NR3C2: variants seen among roughly 807,000 people sequenced by gnomAD.
NR3C2 encodes the protein mineralocorticoid receptor.
A neutral mutation model predicts 86.4 loss-of-function variants in NR3C2; 15 were observed. The ratio of observed to expected loss-of-function variants is 0.17; its 90% CI spans 0.12 to 0.27. The LOEUF (loss-of-function observed/expected upper bound fraction) is 0.27. Among genes scored for constraint, NR3C2 ranks in the 10% least tolerant of loss-of-function variants. The pLI is 1.00. For missense variants in NR3C2, 960 were observed against 1,195.6 expected (o/e 0.80, Z 2.91); for synonymous variants, 458 against 450.5 (o/e 1.02, Z -0.21).
intron 2 of NR3C2, among the ~76,000 whole-genome samples, chr4:148,262,608 C>T (rs1333001180): frequency 6.6e-6 from 1 of 151,996 alleles, no homozygotes; most frequent in Non-Finnish European, 1.5e-5. Flanking sequence ...GAAGTCCTAG[C>T]CCTTAGTACC....
At chr4:148,301,997 T>C (rs1015608974) in intron 2 of NR3C2, among the ~76,000 whole-genome samples, 6 of 152,254 alleles carry the variant, frequency 3.9e-5, no homozygotes, top group Non-Finnish European at 7.3e-5. Context: ...ACAATTAAGA[T>C]TGTTATGTTA....
intron 2 of NR3C2, among the ~76,000 whole-genome samples, chr4:148,260,417 C>A (rs772749197): frequency 2.6e-5 from 4 of 152,134 alleles, no homozygotes; most frequent in South Asian, 2.1e-4. Context: ...ACACTATTTG[C>A]ACTTTAAGTG....
At chr4:148,165,891 A>C (rs1734856308) in intron 4 of NR3C2, among the ~76,000 whole-genome samples, 1 of 152,262 alleles carries the variant, frequency 6.6e-6, no homozygotes, top group Non-Finnish European at 1.5e-5. Context: ...GTCAGAAGCT[A>C]GTACTAACAT....
chr4:148,437,863 T>C (rs1480825329), intron 1 of NR3C2, among the ~76,000 whole-genome samples: 1 of 152,176 alleles, frequency 6.6e-6, no homozygotes, highest in Non-Finnish European at 1.5e-5. Flanking sequence ...ACCCACCAGG[T>C]TGTTTCAGAT....
At chr4:148,404,296 C>T (rs1475331128) in intron 2 of NR3C2, among the ~76,000 whole-genome samples, 1 of 152,044 alleles carries the variant, frequency 6.6e-6, no homozygotes, top group African/African-American at 2.4e-5. Flanking sequence ...TTTGTTAGAA[C>T]AGGATTCACT....
At position 148,424,869 on chromosome 4, in the gene NR3C2, G is replaced by A. The variant is rs138698572; in HGVS notation, c.1757+10235C>T. Among the ~76,000 whole-genome samples the A allele has an allele frequency of 3.3e-4, 51 of 152,270 alleles. 1 individual carries two copies. The East Asian group carries it at 9.4e-3, about 28-fold the overall frequency. ...CAAGACTACACATTTCACAAAACATGTAGAACTGAACACCAAAAAGAGTGA... is the reference window on the plus strand; with the variant it reads ...CAAGACTACACATTTCACAAAACATATAGAACTGAACACCAAAAAGAGTGA... On this transcript the variant is annotated intron_variant, in intron 2 of 8. Coordinates refer to ENST00000358102, the MANE Select transcript of NR3C2 (RefSeq NM_000901.5).
intron 8 of NR3C2, among the ~76,000 whole-genome samples, chr4:148,107,122 T>A (rs1228337585): frequency 6.6e-6 from 1 of 151,698 alleles, no homozygotes; most frequent in East Asian, 1.9e-4. Context: ...CTGACAAAGG[T>A]CTAATATCCA....
At chr4:148,314,291 A>G (rs1341534988) in intron 2 of NR3C2, among the ~76,000 whole-genome samples, 1 of 152,186 alleles carries the variant, frequency 6.6e-6, no homozygotes, top group East Asian at 1.9e-4. Context: ...TGCTATTTTT[A>G]GTACAGTATT....
At chr4:148,365,528 T>C (rs1197901692) in intron 2 of NR3C2, among the ~76,000 whole-genome samples, 1 of 152,188 alleles carries the variant, frequency 6.6e-6, no homozygotes, top group African/African-American at 2.4e-5. Flanking sequence ...GTTTCTTAAG[T>C]ATCATAACTA....
chr4:148,416,701 C>T (rs1453879287), intron 2 of NR3C2, among the ~76,000 whole-genome samples: 1 of 152,206 alleles, frequency 6.6e-6, no homozygotes, highest in Non-Finnish European at 1.5e-5. Flanking sequence ...CAAATTGTTG[C>T]TTTCACTTCT....
intron 2 of NR3C2, among the ~76,000 whole-genome samples, chr4:148,405,808 TGGCCTTGCC>T (rs1748393480): frequency 6.6e-6 from 1 of 152,226 alleles, no homozygotes; most frequent in Non-Finnish European, 1.5e-5. Context: ...CTGGCCTTGC[TGGCCTTGCC>T]ACTATTCTCC....
chr4:148,170,159 T>A (rs946785720), intron 4 of NR3C2, among the ~76,000 whole-genome samples: 1 of 152,168 alleles, frequency 6.6e-6, no homozygotes, highest in Admixed American at 6.5e-5. Context: ...AAGATGCCAG[T>A]AGCAATCCCC....
At chr4:148,434,971 A>G (rs1749965290) in intron 2 of NR3C2, 133 bp downstream of exon 2, 1 of 833,590 alleles carries the variant, frequency 1.2e-6, no homozygotes, top group Admixed American at 2.3e-5. Flanking sequence ...TCAACATGCA[A>G]AGTGGAGCAA....
At chr4:148,350,872 T>C (rs895980721) in intron 2 of NR3C2, among the ~76,000 whole-genome samples, 2 of 152,168 alleles carry the variant, frequency 1.3e-5, no homozygotes, top group African/African-American at 2.4e-5. Context: ...TATCCTTCTA[T>C]TATTCTTTTT....
chr4:148,259,399 A>T (rs1436283153), intron 3 of NR3C2, among the ~76,000 whole-genome samples: 1 of 152,196 alleles, frequency 6.6e-6, no homozygotes, highest in Admixed American at 6.6e-5. Context: ...CAGAAGCAAA[A>T]GCTAGCCTAA....
intron 2 of NR3C2, among the ~76,000 whole-genome samples, chr4:148,333,407 G>C (rs1282934109): frequency 6.6e-6 from 1 of 152,058 alleles, no homozygotes; most frequent in African/African-American, 2.4e-5. Context: ...TTTTAAGCTG[G>C]GCACATTGCT....
At chr4:148,263,807 TC>T (rs1740246633) in intron 2 of NR3C2, among the ~76,000 whole-genome samples, 2 of 152,240 alleles carry the variant, frequency 1.3e-5, no homozygotes, top group East Asian at 3.9e-4. Context: ...GCCCTGATGT[TC>T]CCCCAGCATG....
intron 6 of NR3C2, among the ~76,000 whole-genome samples, chr4:148,143,400 G>C (rs1184921315): frequency 6.6e-6 from 1 of 152,184 alleles, no homozygotes; most frequent in Non-Finnish European, 1.5e-5. Context: ...CTGCAGGCAG[G>C]ACTGTTTCAC....
chr4:148,348,454 G>C (rs1363165763), intron 2 of NR3C2, among the ~76,000 whole-genome samples: 2 of 152,114 alleles, frequency 1.3e-5, no homozygotes, highest in Non-Finnish European at 2.9e-5. Flanking sequence ...AATATTAGTA[G>C]AATAAATGAA....
Sources: allele counts gnomAD v4.1 joint callset (sites outside exome capture counted in the v4.1 genomes callset), GRCh38; gene constraint gnomAD v4.1.1; transcripts MANE v1.5; gene names NCBI Gene and HGNC (gene_info 2026-07-23, HGNC 2026-07-21).